Variants in RARB observed in about 807,000 individuals in gnomAD.
RARB encodes the protein retinoic acid receptor beta, also known as HBV-activated protein.
RARB carries 17 observed loss-of-function variants against 51.9 expected under a neutral mutation model. The observed-to-expected ratio is 0.33, with a 90% CI of 0.22 to 0.49. RARB has a LOEUF of 0.49. RARB is among the 20% of genes least tolerant of loss of function. The probability of loss-of-function intolerance (pLI) is 0.99; values close to 1 mark genes in which losing one functional copy is unlikely to be tolerated. For synonymous variants in RARB, 215 were observed against 195.4 expected (o/e 1.10, Z -0.84); for missense variants, 369 against 550.8 (o/e 0.67, Z 3.30).
In RARB at chr3:25,206,777, G is replaced by C. The variant is rs80168573; in HGVS notation, c.178+32202G>C. Among the ~76,000 whole-genome samples, 7 of 152,222 alleles carry C rather than the reference G, an allele frequency of 4.6e-5. No homozygotes were observed. In the East Asian group the frequency reaches 7.7e-4, roughly 17 times the overall value. On this transcript the variant is annotated intron_variant, in intron 5 of 11. Coordinates refer to the RARB transcript ENST00000383772. ...GTACTATGGATGCTTATTCATGCCC[G>C]ATAGCTTCCAAGAGATTTCTCCAAA...
At chr3:24,908,859 A>G (rs1694929590) in intron 2 of RARB, among the ~76,000 whole-genome samples, 1 of 151,978 alleles carries the variant, frequency 6.6e-6, no homozygotes, top group Admixed American at 6.6e-5. Context: ...TTTTTTCCCC[A>G]GTTTCCATGC....
intron 2 of RARB, among the ~76,000 whole-genome samples, chr3:25,010,452 C>A (rs1272533109): frequency 6.6e-6 from 1 of 152,068 alleles, no homozygotes; most frequent in East Asian, 1.9e-4. Flanking sequence ...TGATATTTTA[C>A]TTTGCATACT....
intron 3 of RARB, among the ~76,000 whole-genome samples, chr3:25,551,373 G>C (rs78455190): frequency 0.041 from 6,281 of 152,276 alleles, 164 homozygotes; most frequent in Non-Finnish European, 0.062. Context: ...TTCAAAGAGG[G>C]AGTGAGTTTG....
At chr3:25,115,362 C>A (rs1699668405) in intron 3 of RARB, among the ~76,000 whole-genome samples, 1 of 152,106 alleles carries the variant, frequency 6.6e-6, no homozygotes, top group African/African-American at 2.4e-5. Context: ...CTGTTAATGA[C>A]ATTGTAACAT....
intron 5 of RARB, among the ~76,000 whole-genome samples, chr3:25,401,859 C>A (rs2885839): frequency 0.65 from 98,576 of 151,638 alleles, 32,246 homozygotes; most frequent in East Asian, 0.83. Context: ...TCACTACAAC[C>A]TCTGCCTCCC....
intron 2 of RARB, among the ~76,000 whole-genome samples, chr3:25,012,333 A>C (rs62228499): frequency 0.072 from 11,012 of 152,204 alleles, 489 homozygotes; most frequent in Non-Finnish European, 0.1. Context: ...CTAGCTGACA[A>C]GCAGAATCAC....
intron 3 of RARB, among the ~76,000 whole-genome samples, chr3:25,554,492 A>G (rs1385209828): frequency 2.0e-5 from 3 of 152,048 alleles, no homozygotes; most frequent in Non-Finnish European, 4.4e-5. Flanking sequence ...CTACAAGGGC[A>G]GAGTTGAGTA....
Position 25,224,829 on chromosome 3 carries a change from T to C in RARB, c.178+50254T>C, listed in dbSNP as rs992183170. On this transcript the variant is annotated intron_variant, in intron 5 of 11. Coordinates refer to the RARB transcript ENST00000383772. ...CATGTTGCCCAGGCTGGTCTCGGAC[T>C]CCTAGGCTCGAGCAATCCACCCGCC... Among the ~76,000 whole-genome samples, 50 of 152,040 alleles carry C rather than the reference T, an allele frequency of 3.3e-4. 1 individual carries two copies. Among genetic ancestry groups the C allele is most frequent in the African/African-American group, 1.2e-3 (49 of 41,414 alleles).
intron 2 of RARB, among the ~76,000 whole-genome samples, chr3:24,861,886 G>A (rs1433330668): frequency 3.9e-5 from 6 of 152,164 alleles, no homozygotes; most frequent in Non-Finnish European, 5.9e-5. Context: ...AGGGCTCCCT[G>A]GATCACAGTT....
chr3:25,438,017 TG>T (rs1380552554), intron 1 of RARB, among the ~76,000 whole-genome samples: 2 of 152,256 alleles, frequency 1.3e-5, no homozygotes, highest in East Asian at 3.8e-4. Flanking sequence ...TGGGCTCCGC[TG>T]GGCAGACCCT....
chr3:25,202,341 C>T (rs947732081), intron 5 of RARB, among the ~76,000 whole-genome samples: 3 of 151,708 alleles, frequency 2.0e-5, no homozygotes, highest in Non-Finnish European at 4.4e-5. Context: ...CTTTATTAGT[C>T]TTCTTAGTGG....
chr3:25,421,711 G>A (rs1287098097), intron 5 of RARB, among the ~76,000 whole-genome samples: 1 of 152,022 alleles, frequency 6.6e-6, no homozygotes, highest in African/African-American at 2.4e-5. Context: ...GCCTTGCACT[G>A]ACATTTCCTA....
At chr3:25,474,246 C>G (rs750644142) in intron 2 of RARB, among the ~76,000 whole-genome samples, 1 of 152,174 alleles carries the variant, frequency 6.6e-6, no homozygotes, top group Non-Finnish European at 1.5e-5. Context: ...CAGTAGGGAT[C>G]ATCTGACTAT....
At chr3:25,174,227 G>A in exon 5 of RARB, 1 of 397,124 alleles carries the variant, frequency 2.5e-6, no homozygotes, top group Admixed American at 3.7e-5. Context: ...ATGACAGGCA[G>A]AGAAACCATG....
chr3:24,968,685 G>A (rs1456891284), intron 2 of RARB, among the ~76,000 whole-genome samples: 1 of 152,058 alleles, frequency 6.6e-6, no homozygotes, highest in African/African-American at 2.4e-5. Flanking sequence ...CTTGCTCACA[G>A]GGTTCAAGGG....
intron 5 of RARB, among the ~76,000 whole-genome samples, chr3:25,213,850 T>A (rs1575225659): frequency 1.3e-5 from 2 of 152,342 alleles, no homozygotes; most frequent in African/African-American, 4.8e-5. Context: ...TCTGGACTCT[T>A]ATGATAAGTT....
intron 5 of RARB, among the ~76,000 whole-genome samples, chr3:25,347,609 C>A (rs1705433154): frequency 6.6e-6 from 1 of 152,132 alleles, no homozygotes; most frequent in African/African-American, 2.4e-5. Context: ...AAGTTAGCAG[C>A]CAAAAGGCAT....
At chr3:25,554,114 G>T (rs886592910) in intron 3 of RARB, among the ~76,000 whole-genome samples, 1 of 151,176 alleles carries the variant, frequency 6.6e-6, no homozygotes, top group Non-Finnish European at 1.5e-5. Context: ...TGCAGGCCAT[G>T]GTTAGGGTGG....
chr3:25,162,000 C>A (rs1056514080), intron 4 of RARB, among the ~76,000 whole-genome samples: 4 of 152,192 alleles, frequency 2.6e-5, no homozygotes, highest in African/African-American at 9.7e-5. Flanking sequence ...GGCCTCACAC[C>A]TTGGGCATGT....
Sources: gnomAD v4.1 joint callset for allele counts (sites outside exome capture counted in the v4.1 genomes callset) on GRCh38, gnomAD v4.1.1 for gene constraint, MANE v1.5 for transcripts, NCBI Gene and HGNC (gene_info 2026-07-23, HGNC 2026-07-21) for gene names.